The following RERE variants were observed in gnomAD, a reference collection of about 807,000 sequenced individuals.
RERE encodes arginine-glutamic acid dipeptide repeats protein.
Under a neutral mutation model 146.1 loss-of-function variants are expected in RERE, and 40 were observed. The ratio of observed to expected loss-of-function variants is 0.27; its 90% CI spans 0.21 to 0.36. RERE has a LOEUF of 0.36. Ranked by LOEUF, RERE falls within the 10% of genes least tolerant of loss-of-function variation. RERE has a pLI of 1.00. For missense variants in RERE, 1,933 were observed against 2,138.7 expected (o/e 0.90, Z 1.90); for synonymous variants, 1,003 against 866.0 (o/e 1.16, Z -2.78).
chr1:8,621,255 G>A (rs1646912616), intron 3 of RERE, among the ~76,000 whole-genome samples: 1 of 152,098 alleles, frequency 6.6e-6, no homozygotes, highest in Non-Finnish European at 1.5e-5. Flanking sequence ...GATTCTAAGG[G>A]AATGCAGCAG....
At chr1:8,551,946 C>G (rs1645940881) in intron 6 of RERE, among the ~76,000 whole-genome samples, 1 of 152,206 alleles carries the variant, frequency 6.6e-6, no homozygotes, top group Admixed American at 6.5e-5. Flanking sequence ...AAAATGCTAA[C>G]TTTACTCTAT....
chr1:8,388,703 G>C (rs999004913), intron 12 of RERE, among the ~76,000 whole-genome samples: 30 of 152,120 alleles, frequency 2.0e-4, no homozygotes, highest in Admixed American at 5.2e-4. Context: ...ATATTCTTTT[G>C]TAACTCTTCA....
intron 7 of RERE, among the ~76,000 whole-genome samples, chr1:8,532,027 C>CT (rs1455978580): frequency 6.6e-6 from 1 of 152,212 alleles, no homozygotes; most frequent in Non-Finnish European, 1.5e-5. Flanking sequence ...TGTATCAAAA[C>CT]ATCTCATGTA....
chr1:8,449,993 T>A (rs941542138), intron 11 of RERE, among the ~76,000 whole-genome samples: 3 of 152,212 alleles, frequency 2.0e-5, no homozygotes, highest in African/African-American at 7.2e-5. Context: ...TTTATCCTCC[T>A]CATGGCATCT....
At chr1:8,601,418 T>C (rs1646623726) in intron 4 of RERE, among the ~76,000 whole-genome samples, 1 of 152,126 alleles carries the variant, frequency 6.6e-6, no homozygotes, top group Non-Finnish European at 1.5e-5. Flanking sequence ...TCACTGTTGC[T>C]GTGAATAATT....
At chr1:8,759,749 C>T (rs1402776292) in intron 1 of RERE, among the ~76,000 whole-genome samples, 3 of 151,760 alleles carry the variant, frequency 2.0e-5, no homozygotes, top group Non-Finnish European at 4.4e-5. Context: ...ACAAGTTCAA[C>T]AGACATGAAG....
At chr1:8,357,710 C>T (rs1310812616) in intron 20 of RERE, among the ~76,000 whole-genome samples, 3 of 152,242 alleles carry the variant, frequency 2.0e-5, no homozygotes, top group African/African-American at 4.8e-5. Context: ...CAGGACTGAG[C>T]AGCCCTGGCC....
intron 4 of RERE, among the ~76,000 whole-genome samples, chr1:8,599,300 G>A (rs1438239981): frequency 6.6e-5 from 10 of 152,132 alleles, no homozygotes; most frequent in South Asian, 2.1e-4. Flanking sequence ...TAAAATCAAC[G>A]AAAAAAGCAA....
At chr1:8,774,978 T>C (rs974755722) in intron 1 of RERE, among the ~76,000 whole-genome samples, 23 of 103,854 alleles carry the variant, frequency 2.2e-4, no homozygotes, top group African/African-American at 7.3e-4. Context: ...TTTTTTTTTT[T>C]TTTGAAACAG....
chr1:8,611,725 A>G (rs924658947), intron 4 of RERE, among the ~76,000 whole-genome samples: 52 of 152,360 alleles, frequency 3.4e-4, no homozygotes, highest in African/African-American at 9.4e-4. Flanking sequence ...CCTCTGCTGC[A>G]GAGCCACACC....
At position 8,746,827 on chromosome 1, in the gene RERE, G is replaced by A. The variant is rs192588914; in HGVS notation, c.-145+70333C>T. ...ATGGGGGGGAAGTGAGAGAGAAGGA[G>A]GGCAGGCAGGGGAGGGAGGGGAGAG... is the stretch of plus-strand genomic sequence containing the variant. On this transcript the variant is annotated intron_variant, in intron 1 of 22. Transcript: ENST00000400908. 2.3e-3 allele frequency among the ~76,000 whole-genome samples: 342 copies of A among 147,770 alleles called. 2 individuals carry two copies. Among genetic ancestry groups the A allele is most frequent in the African/African-American group, 7.8e-3 (310 of 39,882 alleles).
intron 12 of RERE, among the ~76,000 whole-genome samples, chr1:8,416,320 T>G (rs550723284): frequency 2.0e-5 from 3 of 152,118 alleles, no homozygotes; most frequent in Admixed American, 6.5e-5. Context: ...GCGCGGTGGC[T>G]CACACCTGTA....
intron 13 of RERE, among the ~76,000 whole-genome samples, chr1:8,365,260 C>CATG (rs1641758288): frequency 6.6e-6 from 1 of 152,190 alleles, no homozygotes; most frequent in Non-Finnish European, 1.5e-5. Context: ...CGGCGCCCCT[C>CATG]AGGTTCAGCG....
chr1:8,773,639 C>T (rs1640999020), intron 1 of RERE, among the ~76,000 whole-genome samples: 3 of 152,202 alleles, frequency 2.0e-5, no homozygotes, highest in Admixed American at 2.0e-4. Context: ...GCCTGACCAA[C>T]ACGGTGAAAC....
At chr1:8,658,017 T>C (rs1311152727) in intron 1 of RERE, among the ~76,000 whole-genome samples, 5 of 152,014 alleles carry the variant, frequency 3.3e-5, no homozygotes, top group Non-Finnish European at 7.4e-5. Flanking sequence ...AGTCTTGAGG[T>C]TTTTAAGCGT....
At chr1:8,603,640 T>C (rs558862089) in intron 4 of RERE, among the ~76,000 whole-genome samples, 6 of 152,144 alleles carry the variant, frequency 3.9e-5, no homozygotes, top group South Asian at 2.1e-4. Flanking sequence ...AATTTGTGTA[T>C]TGGGGAAGGG....
chr1:8,439,879 C>T (rs1644223442), intron 11 of RERE, among the ~76,000 whole-genome samples: 1 of 151,886 alleles, frequency 6.6e-6, no homozygotes. Context: ...TTGAGACCAG[C>T]CTGGCCAACA....
At chr1:8,559,178 G>T (rs980924860) in intron 4 of RERE, among the ~76,000 whole-genome samples, 3 of 148,410 alleles carry the variant, frequency 2.0e-5, no homozygotes, top group Admixed American at 6.7e-5. Context: ...TACTCAGGAG[G>T]CTGAGGCAGG....
At chr1:8,789,301 A>AAAAAAAAATAT in intron 1 of RERE, among the ~76,000 whole-genome samples, 14 of 24,814 alleles carry the variant, frequency 5.6e-4, no homozygotes, top group East Asian at 2.0e-3. Flanking sequence ...AAAAAAAAAA[A>AAAAAAAAATAT]ATATATATAT....
Sources: gnomAD v4.1 joint callset for allele counts (sites outside exome capture counted in the v4.1 genomes callset) on GRCh38, gnomAD v4.1.1 for gene constraint, MANE v1.5 for transcripts, NCBI Gene and HGNC (gene_info 2026-07-23, HGNC 2026-07-21) for gene names.